SEC61A1: variants seen among roughly 807,000 people sequenced by gnomAD.
SEC61A1 encodes the protein SEC61 translocon subunit alpha 1.
In SEC61A1, 15 loss-of-function variants were observed where a neutral mutation model predicts 55.2. The ratio of observed to expected loss-of-function variants is 0.27; its 90% CI spans 0.18 to 0.42. The LOEUF is 0.42. Ranked by LOEUF, SEC61A1 falls within the 10% of genes least tolerant of loss-of-function variation. SEC61A1 has a pLI of 1.00. For missense variants in SEC61A1, 284 were observed against 602.6 expected, an observed-to-expected ratio of 0.47 and a Z score of 5.53; for synonymous variants, 247 against 234.0, an observed-to-expected ratio of 1.06 and a Z score of -0.51.
Position 128,052,902 on chromosome 3 carries a change from G to C in SEC61A1, c.75G>C (p.Lys25Asn). The C allele has an allele frequency of 6.2e-7, 1 of 1,610,902 alleles. No homozygotes were observed. The highest frequency in any genetic ancestry group is 8.5e-7 in the Non-Finnish European group (1 of 1,178,144). Residue 25 changes from lysine to asparagine, a missense_variant and splice_region_variant, in exon 2 of 12, where the codon AAG becomes AAC. Transcript: ENST00000243253. ...ILPEIQKPER[K>N]IQFKEKVLWT... ...CGGAAATTCAGAAGCCAGAGAGGAA[G>C]GTAAGTACCCCAAATCGCCAACAAA...
At chr3:128,069,445 G>A in intron 11 of SEC61A1, 31 bp from the exon 12 acceptor site, 1 of 1,598,530 alleles carries the variant, frequency 6.3e-7, no homozygotes, top group Non-Finnish European at 8.5e-7. Context: ...CTCTGTGGGT[G>A]TCCAGGAGCT....
intron 8 of SEC61A1, 36 bp downstream of exon 8, chr3:128,065,073 T>C: frequency 6.2e-7 from 1 of 1,609,614 alleles, no homozygotes; most frequent in Non-Finnish European, 8.5e-7. Flanking sequence ...GTTTCCATGG[T>C]CTGGATTTAA....
chr3:128,056,806 A>C lies in SEC61A1; in HGVS notation c.318A>C (p.Pro106=). 6.2e-7 allele frequency: 1 copy of C among 1,609,726 alleles called. No individual in the cohort carries two copies. Among genetic ancestry groups the C allele is most frequent in the Non-Finnish European group, 8.5e-7 (1 of 1,177,852 alleles). ...GAKIIEVGDT[P]KDRALFNGAQ... The stretch of plus-strand genomic sequence containing the variant: ...AGATAATTGAAGTTGGTGACACCCC[A>C]AAAGACCGAGCTCTCTTCAACGGAG... Residue 106 remains proline, a synonymous_variant, in exon 5 of 12, where the codon CCA becomes CCC. Coordinates refer to ENST00000243253, the MANE Select transcript of SEC61A1 (RefSeq NM_013336.4).
At chr3:128,061,386 TAG>T (rs1018690403) in intron 7 of SEC61A1, among the ~76,000 whole-genome samples, 1 of 152,232 alleles carries the variant, frequency 6.6e-6, no homozygotes, top group Non-Finnish European at 1.5e-5. Context: ...AGGGAAGCCT[TAG>T]AGAGTGTGAC....
chr3:128,062,229 G>A (rs1446756386), intron 7 of SEC61A1, among the ~76,000 whole-genome samples: 1 of 152,224 alleles, frequency 6.6e-6, no homozygotes, highest in African/African-American at 2.4e-5. Context: ...GAAGGGCTGT[G>A]CCCCATGGCC....
upstream of SEC61A1, chr3:128,051,802 C>A (rs2107638561): frequency 3.3e-6 from 5 of 1,533,308 alleles, no homozygotes; most frequent in South Asian, 6.0e-5. Flanking sequence ...GGCCCTTCTC[C>A]GGCCAAGTCT....
intron 4 of SEC61A1, among the ~76,000 whole-genome samples, chr3:128,056,465 G>A (rs555365447): frequency 6.6e-6 from 1 of 152,344 alleles, no homozygotes; most frequent in East Asian, 1.9e-4. Context: ...AAATGCAGCA[G>A]TCTGTTTAGA....
chr3:128,062,640 T>G (rs1941867565), intron 7 of SEC61A1, among the ~76,000 whole-genome samples: 1 of 152,194 alleles, frequency 6.6e-6, no homozygotes, highest in Admixed American at 6.5e-5. Context: ...GGTTAGATGG[T>G]CTGCCTGACA....
intron 11 of SEC61A1, among the ~76,000 whole-genome samples, chr3:128,069,180 T>C (rs979514599): frequency 2.0e-5 from 3 of 152,234 alleles, no homozygotes; most frequent in Non-Finnish European, 4.4e-5. Context: ...TTATAATTAA[T>C]GTTAAGAAAA....
At chr3:128,059,552 C>T (rs1015090181) in intron 5 of SEC61A1, among the ~76,000 whole-genome samples, 2 of 151,628 alleles carry the variant, frequency 1.3e-5, no homozygotes, top group Non-Finnish European at 2.9e-5. Context: ...ATCAATGGTA[C>T]GTGGGGTTTT....
In SEC61A1 at chr3:128,067,230, A is replaced by G. The variant is rs890558200; in HGVS notation, c.975+79A>G. The G allele has an allele frequency of 1.4e-5, 19 of 1,387,832 alleles. No homozygotes were observed. Among genetic ancestry groups the G allele is most frequent in the Non-Finnish European group, 1.9e-5 (19 of 985,010 alleles). 86.0% of individuals were successfully genotyped at this position (1,387,832 alleles called of 1,614,324 possible). ...CTATCAGTGTCTTGCTCATGAACAGATATTTCATCCAAAGATATTTTCCAT... is the reference window on the plus strand; with the variant it reads ...CTATCAGTGTCTTGCTCATGAACAGGTATTTCATCCAAAGATATTTTCCAT... On this transcript the variant is annotated intron_variant, in intron 9 of 11. Transcript: ENST00000243253. The surrounding 1 kb of genome is among the most constrained non-coding windows in gnomAD (Gnocchi z 4.1).
At chr3:128,051,928 G>A (rs1430195801), upstream of SEC61A1, 9 of 1,523,812 alleles carry the variant, frequency 5.9e-6, no homozygotes, top group Non-Finnish European at 7.0e-6. Flanking sequence ...CCACCAGCCC[G>A]CGCCCTACTC....
In SEC61A1 at chr3:128,052,579, C is replaced by A. The variant is rs768364376; in HGVS notation, c.7+20C>A. ...TGGCAAGTGAGTCCTGTAGGGAAGCCCTATTGAGGCCGGGACGGAACAGAT... is the reference window on the plus strand; with the variant it reads ...TGGCAAGTGAGTCCTGTAGGGAAGCACTATTGAGGCCGGGACGGAACAGAT... On this transcript the variant is annotated intron_variant, in intron 1 of 11. Transcript: ENST00000243253. 1.1e-5 allele frequency: 17 copies of A among 1,594,352 alleles called. No individual in the cohort carries two copies. In the East Asian group the frequency reaches 3.4e-4, roughly 32 times the overall value.
At position 128,056,290 on chromosome 3, in the gene SEC61A1, T is replaced by C. The variant is rs571796985; in HGVS notation, c.221-419T>C. ...AAATCAGTTGGAAGTGTAGCTCATT[T>C]TAACATAATGGGAAGTAGAGGCTTA... On this transcript the variant is annotated intron_variant, in intron 4 of 11. Coordinates refer to ENST00000243253, the MANE Select transcript of SEC61A1 (RefSeq NM_013336.4). 2.6e-5 allele frequency among the ~76,000 whole-genome samples: 4 copies of C among 152,370 alleles called. No homozygotes were observed. The South Asian group carries it at 8.3e-4, about 32-fold the overall frequency.
chr3:128,071,360 C>T lies in SEC61A1; in HGVS notation c.*1698C>T, dbSNP rs1278477847. On this transcript the variant is annotated 3_prime_UTR_variant, in exon 12 of 12. Coordinates refer to ENST00000243253, the MANE Select transcript of SEC61A1 (RefSeq NM_013336.4). ...CCACATGGTTCTCCCACTGCCCTGT[C>T]TGCTCTGCTGCTACAGAGGGGCAGG... 1 of 152,558 alleles carries T rather than the reference C, an allele frequency of 6.6e-6. No homozygotes were observed. The highest frequency in any genetic ancestry group is 3.1e-3 in the Middle Eastern group (1 of 318). 9.5% of individuals were successfully genotyped at this position (152,558 alleles called of 1,614,324 possible). A position where few individuals can be genotyped will look rare whatever the true frequency, so the allele number is the denominator to read the frequency against.
intron 5 of SEC61A1, 39 bp from the exon 6 acceptor site, chr3:128,060,063 G>T (rs780506894): frequency 2.8e-6 from 4 of 1,441,592 alleles, no homozygotes; most frequent in Non-Finnish European, 3.9e-6. Context: ...GTTCTGTGTA[G>T]TGACCCACTT....
chr3:128,055,642 GCTGA>G, intron 3 of SEC61A1, 27 bp from the exon 4 acceptor site: 1 of 1,607,348 alleles, frequency 6.2e-7, no homozygotes, highest in East Asian at 2.2e-5. Flanking sequence ...AAACAGGAGT[GCTGA>G]CTGTTTTGCT....
chr3:128,065,870 T>G (rs1941961264), intron 8 of SEC61A1, among the ~76,000 whole-genome samples: 1 of 149,672 alleles, frequency 6.7e-6, no homozygotes, highest in African/African-American at 2.5e-5. Flanking sequence ...GCCTCCCGAG[T>G]AGATGGGATT....
In SEC61A1 at chr3:128,071,299, C is replaced by G; in HGVS notation, c.*1637C>G. ...GGCCTTGTCTAGACCCAGTCCTGAG[C>G]AGGGGAGAGGCTCTTGAGACCTGAT... On this transcript the variant is annotated 3_prime_UTR_variant, in exon 12 of 12. Transcript: ENST00000243253. 1 of 152,502 alleles carries G rather than the reference C, an allele frequency of 6.6e-6. No homozygotes were observed. Among genetic ancestry groups the G allele is most frequent in the South Asian group, 2.1e-4 (1 of 4,838 alleles). The allele number at this position is 152,502 out of a possible 1,614,324, so 9.4% of individuals were successfully genotyped here. A position where few individuals can be genotyped will look rare whatever the true frequency, so the allele number is the denominator to read the frequency against.
Sources: gnomAD v4.1 joint callset for allele counts (sites outside exome capture counted in the v4.1 genomes callset) on GRCh38, gnomAD v4.1.1 for gene constraint, Gnocchi (gnomAD v3.1) non-coding constraint, MANE v1.5 for transcripts, NCBI Gene and HGNC (gene_info 2026-07-23, HGNC 2026-07-21) for gene names.